FRMD5: variants seen among roughly 807,000 people sequenced by gnomAD.
The protein encoded by FRMD5 is FERM domain-containing protein 5.
A neutral mutation model predicts 69.0 loss-of-function variants in FRMD5; 20 were observed. That is an observed-to-expected ratio of 0.29 (90% CI 0.20 to 0.42). The LOEUF (loss-of-function observed/expected upper bound fraction) is 0.42, where lower values mean the gene tolerates loss of function less well. FRMD5 is among the 10% of genes least tolerant of loss of function. The pLI, the probability that FRMD5 is intolerant of heterozygous loss-of-function variation, is 1.00. For missense variants in FRMD5, 595 were observed against 708.6 expected, an observed-to-expected ratio of 0.84 and a Z score of 1.82; for synonymous variants, 271 against 260.1, an observed-to-expected ratio of 1.04 and a Z score of -0.40.
At chr15:44,036,317 C>G (rs1891907528) in intron 1 of FRMD5, among the ~76,000 whole-genome samples, 1 of 152,046 alleles carries the variant, frequency 6.6e-6, no homozygotes, top group Admixed American at 6.6e-5. Context: ...TCCCTCTTCA[C>G]CCTCACGCAC....
At chr15:44,133,168 C>T (rs569562660) in intron 1 of FRMD5, among the ~76,000 whole-genome samples, 12 of 151,616 alleles carry the variant, frequency 7.9e-5, no homozygotes, top group East Asian at 5.9e-4. Context: ...GAGCTGAGAT[C>T]GCGCCACTGC....
At chr15:44,106,916 T>C (rs1393692850) in intron 1 of FRMD5, among the ~76,000 whole-genome samples, 2 of 152,256 alleles carry the variant, frequency 1.3e-5, no homozygotes, top group Non-Finnish European at 2.9e-5. Context: ...TCAATGAGCT[T>C]TGTTTATGTG....
chr15:44,170,372 A>C (rs1437206760), intron 1 of FRMD5, among the ~76,000 whole-genome samples: 1 of 152,260 alleles, frequency 6.6e-6, no homozygotes, highest in African/African-American at 2.4e-5. Flanking sequence ...AAAATACAAA[A>C]GTTAGCTGAG....
At chr15:44,170,816 T>C (rs922624410) in intron 1 of FRMD5, among the ~76,000 whole-genome samples, 1 of 152,222 alleles carries the variant, frequency 6.6e-6, no homozygotes, top group Non-Finnish European at 1.5e-5. Flanking sequence ...ACCTATAACA[T>C]GAAAACTCTA....
At chr15:44,043,381 A>G (rs904169584) in intron 1 of FRMD5, among the ~76,000 whole-genome samples, 15 of 152,234 alleles carry the variant, frequency 9.9e-5, no homozygotes, top group Admixed American at 7.9e-4. Flanking sequence ...TGCTATCCAC[A>G]TGAAGCTACC....
chr15:44,058,785 CA>C (rs34213454), intron 1 of FRMD5, among the ~76,000 whole-genome samples: 32 of 122,692 alleles, frequency 2.6e-4, no homozygotes, highest in East Asian at 4.6e-4. Context: ...GACTCCGTCT[CA>C]AAAAAAAAAA....
chr15:44,116,505 T>G (rs2076870624), intron 1 of FRMD5, among the ~76,000 whole-genome samples: 1 of 152,136 alleles, frequency 6.6e-6, no homozygotes, highest in South Asian at 2.1e-4. Context: ...GGGTACATTT[T>G]GAAAACTGTC....
chr15:44,175,095 C>A (rs1209050333), intron 1 of FRMD5, among the ~76,000 whole-genome samples: 2 of 152,080 alleles, frequency 1.3e-5, no homozygotes, highest in Non-Finnish European at 2.9e-5. Context: ...AAATTCAGTT[C>A]AGTAGCTTTC....
At chr15:44,175,348 G>C (rs1202767834) in intron 1 of FRMD5, among the ~76,000 whole-genome samples, 2 of 151,924 alleles carry the variant, frequency 1.3e-5, no homozygotes, top group Admixed American at 6.6e-5. Flanking sequence ...AAAAGTCTAG[G>C]ATTTCATTAT....
At chr15:43,887,911 G>C (rs2088701629) in intron 10 of FRMD5, among the ~76,000 whole-genome samples, 1 of 152,228 alleles carries the variant, frequency 6.6e-6, no homozygotes, top group African/African-American at 2.4e-5. Flanking sequence ...CATGCCCTCA[G>C]TGGGCCATTT....
chr15:43,895,006 ACTC>A (rs1423679674), intron 7 of FRMD5, among the ~76,000 whole-genome samples: 3 of 151,336 alleles, frequency 2.0e-5, no homozygotes, highest in African/African-American at 4.9e-5. Flanking sequence ...TGGGTCTTGA[ACTC>A]CTGGGCTCAA....
intron 1 of FRMD5, among the ~76,000 whole-genome samples, chr15:44,053,956 T>G (rs1266294974): frequency 2.6e-5 from 4 of 152,234 alleles, no homozygotes; most frequent in Non-Finnish European, 5.9e-5. Flanking sequence ...AATTTCCATT[T>G]CATAGAATTA....
chr15:44,095,174 A>G (rs555817012), intron 1 of FRMD5, among the ~76,000 whole-genome samples: 22 of 151,964 alleles, frequency 1.4e-4, no homozygotes, highest in Non-Finnish European at 2.9e-4. Context: ...CATTCATCTA[A>G]CAAGCACCTC....
At chr15:44,076,526 A>G (rs1369210395) in intron 1 of FRMD5, among the ~76,000 whole-genome samples, 1 of 150,932 alleles carries the variant, frequency 6.6e-6, no homozygotes, top group Non-Finnish European at 1.5e-5. Flanking sequence ...CGCAAGAACA[A>G]AAAACCATAT....
intron 1 of FRMD5, among the ~76,000 whole-genome samples, chr15:44,054,243 T>C (rs1892779370): frequency 6.6e-6 from 1 of 152,210 alleles, no homozygotes; most frequent in African/African-American, 2.4e-5. Context: ...TTCCTAATCA[T>C]TGGCCCACAG....
chr15:44,107,962 G>T (rs537901809), intron 1 of FRMD5, among the ~76,000 whole-genome samples: 14 of 152,188 alleles, frequency 9.2e-5, no homozygotes, highest in Admixed American at 7.9e-4. Context: ...ATGTGCAATT[G>T]GTTTGGATTT....
chr15:44,068,014 T>C (rs909758603), intron 1 of FRMD5, among the ~76,000 whole-genome samples: 1 of 151,980 alleles, frequency 6.6e-6, no homozygotes, highest in African/African-American at 2.4e-5. Flanking sequence ...GAAATGCAAA[T>C]CAAAAACACA....
At chr15:44,125,005 A>C (rs2077006718) in intron 1 of FRMD5, among the ~76,000 whole-genome samples, 3 of 152,156 alleles carry the variant, frequency 2.0e-5, no homozygotes, top group Non-Finnish European at 2.9e-5. Flanking sequence ...TAATTTGGAA[A>C]AATGTAAATA....
Position 44,111,936 on chromosome 15 carries a change from C to T in FRMD5, c.102+83017G>A, listed in dbSNP as rs193039058. On this transcript the variant is annotated intron_variant, in intron 1 of 13. Coordinates refer to ENST00000417257, the MANE Select transcript of FRMD5 (RefSeq NM_032892.5). ...CACCACCTCGGCAACCTCCGCCTCC[C>T]GGGTTCACGCCATTCTCCTGCCTCA... Among the ~76,000 whole-genome samples, 429 of 152,132 alleles carry T rather than the reference C, an allele frequency of 2.8e-3. 10 individuals carry two copies. The highest frequency in any genetic ancestry group is 0.026 in the Admixed American group (404 of 15,286).
Sources: allele counts gnomAD v4.1 joint callset (sites outside exome capture counted in the v4.1 genomes callset), GRCh38; gene constraint gnomAD v4.1.1; transcripts MANE v1.5; gene names NCBI Gene and HGNC (gene_info 2026-07-23, HGNC 2026-07-21).